TUSC3: variants seen among roughly 807,000 people sequenced by gnomAD.
TUSC3 encodes the protein dolichyl-diphosphooligosaccharide--protein glycosyltransferase subunit TUSC3.
Under a neutral mutation model 44.8 loss-of-function variants are expected in TUSC3, and 45 were observed. The observed-to-expected ratio is 1.00, with a 90% CI of 0.79 to 1.29. TUSC3 has a LOEUF of 1.29. Ranked by LOEUF, TUSC3 falls within the 50% of genes most tolerant of loss-of-function variation. The pLI, the probability that TUSC3 is intolerant of heterozygous loss-of-function variation, is 0.00. For synonymous variants in TUSC3, 212 were observed against 152.9 expected, an observed-to-expected ratio of 1.39 and a Z score of -2.85; for missense variants, 519 against 437.9, an observed-to-expected ratio of 1.19 and a Z score of -1.65.
intron 1 of TUSC3, among the ~76,000 whole-genome samples, chr8:15,421,423 A>G (rs1799736276): frequency 6.6e-6 from 1 of 152,032 alleles, no homozygotes; most frequent in Non-Finnish European, 1.5e-5. Context: ...AGACACCTTC[A>G]TTTGCCAACC....
intron 6 of TUSC3, among the ~76,000 whole-genome samples, chr8:15,705,341 C>G (rs944556505): frequency 6.6e-6 from 1 of 151,934 alleles, no homozygotes; most frequent in Non-Finnish European, 1.5e-5. Context: ...AAGAAGACTG[C>G]TCAAATTATT....
chr8:15,549,620 A>C (rs1396504094), intron 1 of TUSC3, among the ~76,000 whole-genome samples: 1 of 151,536 alleles, frequency 6.6e-6, no homozygotes, highest in African/African-American at 2.4e-5. Flanking sequence ...TTAACATGTG[A>C]GTTAAGTTGA....
intron 5 of TUSC3, among the ~76,000 whole-genome samples, chr8:15,664,959 C>T (rs1005703907): frequency 3.1e-4 from 47 of 151,420 alleles, no homozygotes; most frequent in African/African-American, 1.1e-3. Context: ...AATTGAAAAA[C>T]TGAATTTGTT....
Position 15,445,904 on chromosome 8 carries a change from C to T in TUSC3, n.91+28599C>T, listed in dbSNP as rs553630610. 5.5e-3 allele frequency among the ~76,000 whole-genome samples: 817 copies of T among 149,678 alleles called. 5 individuals are homozygous for T. The highest frequency in any genetic ancestry group is 0.023 in the Middle Eastern group (6 of 256). ...TCACTTCCCAGACGGGGCGGCCGGG[C>T]GGAGGCGCCCCCCACCTTCCGGACG... is the stretch of plus-strand genomic sequence containing the variant. On this transcript the variant is annotated intron_variant and non_coding_transcript_variant, in intron 1 of 5. Transcript: ENST00000503191.
chr8:15,676,070 T>C (rs1218976276), intron 6 of TUSC3, among the ~76,000 whole-genome samples: 2 of 152,144 alleles, frequency 1.3e-5, no homozygotes, highest in East Asian at 3.9e-4. Flanking sequence ...GTGTTCCGTT[T>C]TCTACACAGC....
At position 15,761,148 on chromosome 8, in the gene TUSC3, G is replaced by A. The variant is rs557641457; in HGVS notation, c.*47-3055G>A. ...TTAAGAAAATAGCTAACACTTGCGTGTTTCTCTAGAAAAATCTTTTGAATT... is the reference window on the plus strand; with the variant it reads ...TTAAGAAAATAGCTAACACTTGCGTATTTCTCTAGAAAAATCTTTTGAATT... On this transcript the variant is annotated intron_variant, in intron 10 of 10. Transcript: ENST00000503731. 3.9e-5 allele frequency among the ~76,000 whole-genome samples: 6 copies of A among 152,270 alleles called. No homozygotes were observed. The South Asian group carries it at 1.2e-3, about 32-fold the overall frequency.
chr8:15,565,124 G>A (rs1420961596), intron 1 of TUSC3, among the ~76,000 whole-genome samples: 2 of 151,460 alleles, frequency 1.3e-5, no homozygotes, highest in South Asian at 2.1e-4. Context: ...TAAAGTCAAG[G>A]TGTCTGCAGG....
chr8:15,561,909 C>T (rs531322061), intron 1 of TUSC3, among the ~76,000 whole-genome samples: 1 of 152,320 alleles, frequency 6.6e-6, no homozygotes, highest in African/African-American at 2.4e-5. Flanking sequence ...CTGTCTGGCA[C>T]TCCCTAGTGA....
At chr8:15,452,515 A>G (rs1800207766) in intron 1 of TUSC3, among the ~76,000 whole-genome samples, 1 of 152,230 alleles carries the variant, frequency 6.6e-6, no homozygotes, top group African/African-American at 2.4e-5. Context: ...TTTAAAAGGT[A>G]AAACATATTA....
At chr8:15,755,452 G>C (rs1416655390) in intron 9 of TUSC3, among the ~76,000 whole-genome samples, 1 of 151,876 alleles carries the variant, frequency 6.6e-6, no homozygotes, top group East Asian at 1.9e-4. Context: ...AAGTAGTTTT[G>C]TCTCATAGTT....
chr8:15,440,515 A>C (rs1022911368), intron 1 of TUSC3, among the ~76,000 whole-genome samples: 4 of 152,236 alleles, frequency 2.6e-5, no homozygotes, highest in African/African-American at 7.2e-5. Flanking sequence ...TGCCGTGTGA[A>C]GGATGAGTTG....
intron 1 of TUSC3, among the ~76,000 whole-genome samples, chr8:15,550,355 G>T (rs17657824): frequency 0.031 from 4,777 of 151,804 alleles, 320 homozygotes; most frequent in East Asian, 0.23. Flanking sequence ...TGCATGCTTA[G>T]ATGTTGGACA....
chr8:15,621,225 A>C (rs1805230337), intron 1 of TUSC3, among the ~76,000 whole-genome samples: 1 of 151,772 alleles, frequency 6.6e-6, no homozygotes, highest in Non-Finnish European at 1.5e-5. Flanking sequence ...AAAAGAATTT[A>C]TATAGTAAGT....
chr8:15,643,254 C>A (rs563814384), intron 2 of TUSC3, among the ~76,000 whole-genome samples: 1 of 152,160 alleles, frequency 6.6e-6, no homozygotes, highest in Non-Finnish European at 1.5e-5. Flanking sequence ...TTGTAAATTA[C>A]GCTGTCTTGG....
chr8:15,564,634 G>C (rs1004107091), intron 1 of TUSC3, among the ~76,000 whole-genome samples: 1 of 151,934 alleles, frequency 6.6e-6, no homozygotes, highest in African/African-American at 2.4e-5. Context: ...CCTGTTTACC[G>C]TATGAGTTTT....
intron 2 of TUSC3, among the ~76,000 whole-genome samples, chr8:15,493,246 T>A (rs1800833677): frequency 6.6e-6 from 1 of 152,154 alleles, no homozygotes; most frequent in Non-Finnish European, 1.5e-5. Context: ...AGTCCAACTT[T>A]CAGACATCAA....
At chr8:15,544,475 C>G (rs193140555) in intron 1 of TUSC3, among the ~76,000 whole-genome samples, 4 of 151,750 alleles carry the variant, frequency 2.6e-5, no homozygotes, top group Admixed American at 2.0e-4. Flanking sequence ...AATGAATATG[C>G]AATATGAAAA....
chr8:15,487,097 T>G (rs1800742489), intron 2 of TUSC3, among the ~76,000 whole-genome samples: 1 of 152,220 alleles, frequency 6.6e-6, no homozygotes, highest in Non-Finnish European at 1.5e-5. Flanking sequence ...TATCTAGTCA[T>G]TCTTCATTGC....
chr8:15,470,391 C>A (rs1800474489), intron 1 of TUSC3, among the ~76,000 whole-genome samples: 1 of 151,912 alleles, frequency 6.6e-6, no homozygotes, highest in Non-Finnish European at 1.5e-5. Flanking sequence ...TATACATTGT[C>A]ATTAAGTCCA....
Sources: gnomAD v4.1 joint callset for allele counts (sites outside exome capture counted in the v4.1 genomes callset) on GRCh38, gnomAD v4.1.1 for gene constraint, MANE v1.5 for transcripts, NCBI Gene and HGNC (gene_info 2026-07-23, HGNC 2026-07-21) for gene names.